CLYBL: variants seen among roughly 807,000 people sequenced by gnomAD.
CLYBL encodes citramalyl-CoA lyase.
A neutral mutation model predicts 38.9 loss-of-function variants in CLYBL; 31 were observed. The observed-to-expected ratio is 0.80, with a 90% confidence interval of 0.60 to 1.08. The LOEUF (loss-of-function observed/expected upper bound fraction) is 1.08, where lower values mean the gene tolerates loss of function less well. Ranked by LOEUF, CLYBL falls within the 50% of genes least tolerant of loss-of-function variation. The pLI is 0.00. For synonymous variants in CLYBL, 171 were observed against 158.6 expected, an observed-to-expected ratio of 1.08 and a Z score of -0.59; for missense variants, 434 against 411.6, an observed-to-expected ratio of 1.05 and a Z score of -0.47.
intron 7 of CLYBL, among the ~76,000 whole-genome samples, chr13:99,876,729 C>T (rs2139280129): frequency 6.6e-6 from 1 of 152,206 alleles, no homozygotes; most frequent in South Asian, 2.1e-4. Context: ...GGAGAGAGGG[C>T]TGCGAGCAGA....
At chr13:99,893,343 T>G (rs1346234854), downstream of CLYBL, 1 of 152,364 alleles carries the variant, frequency 6.6e-6, no homozygotes, top group Admixed American at 6.5e-5. Context: ...TGGAGTCAGG[T>G]GCACACCAGG....
intron 1 of CLYBL, among the ~76,000 whole-genome samples, chr13:99,767,351 G>A (rs992663435): frequency 1.5e-4 from 23 of 152,160 alleles, no homozygotes; most frequent in Admixed American, 3.9e-4. Context: ...ACTAAAGCCA[G>A]CTTACTTCTA....
At chr13:99,828,364 T>C (rs1426203715) in intron 2 of CLYBL, among the ~76,000 whole-genome samples, 2 of 152,326 alleles carry the variant, frequency 1.3e-5, no homozygotes, top group Middle Eastern at 3.4e-3. Flanking sequence ...AATTTTCCCA[T>C]GGTAGCGACA....
At chr13:99,862,340 A>G (rs918281388) in intron 3 of CLYBL, among the ~76,000 whole-genome samples, 2 of 152,110 alleles carry the variant, frequency 1.3e-5, no homozygotes, top group Non-Finnish European at 2.9e-5. Flanking sequence ...GAGCTTTTGT[A>G]TGTTTCCAGA....
At chr13:99,879,764 A>T (rs2139293476) in intron 7 of CLYBL, among the ~76,000 whole-genome samples, 1 of 152,264 alleles carries the variant, frequency 6.6e-6, no homozygotes, top group Non-Finnish European at 1.5e-5. Context: ...CATAAAACCC[A>T]CTTAGAATTC....
chr13:99,807,193 CAGAT>C (rs2138968562), intron 2 of CLYBL, among the ~76,000 whole-genome samples: 1 of 152,310 alleles, frequency 6.6e-6, no homozygotes, highest in African/African-American at 2.4e-5. Context: ...GATTTCTCCT[CAGAT>C]AGAGCAAGAA....
intron 1 of CLYBL, among the ~76,000 whole-genome samples, chr13:99,720,805 G>A (rs1327378119): frequency 1.3e-5 from 2 of 152,092 alleles, no homozygotes; most frequent in East Asian, 3.8e-4. Flanking sequence ...TTATGTGTTA[G>A]GTGTTGATTT....
At chr13:99,670,354 C>T (rs533405197) in intron 1 of CLYBL, among the ~76,000 whole-genome samples, 30 of 152,134 alleles carry the variant, frequency 2.0e-4, no homozygotes, top group African/African-American at 7.0e-4. Context: ...AGCAAAGTAG[C>T]GAGACCCTGT....
intron 1 of CLYBL, among the ~76,000 whole-genome samples, chr13:99,619,515 A>T (rs2139197814): frequency 6.6e-6 from 1 of 152,372 alleles, no homozygotes; most frequent in South Asian, 2.1e-4. Flanking sequence ...TCATATTAAG[A>T]TAGAAACTTA....
At chr13:99,888,363 T>C (rs1241325783) in intron 7 of CLYBL, among the ~76,000 whole-genome samples, 1 of 152,172 alleles carries the variant, frequency 6.6e-6, no homozygotes. Flanking sequence ...TTACATGAAA[T>C]AATGTATGTA....
Position 99,891,438 on chromosome 13 carries a change from G to T in CLYBL, c.*24+1G>T, listed in dbSNP as rs1036356004. 1.9e-6 allele frequency: 3 copies of T among 1,553,814 alleles called. No individual in the cohort carries two copies. The highest frequency in any genetic ancestry group is 2.7e-6 in the Non-Finnish European group (3 of 1,125,188). On this transcript the variant is annotated splice_donor_variant, in intron 8 of 8. Transcript: ENST00000339105. LOFTEE classifies it low-confidence loss of function (3UTR_SPLICE). ...ATCTGTTAAATGAAGCTGTCATCAGGTGGGCTGAACATATACAGTGGGGTT... is the reference window on the plus strand; with the variant it reads ...ATCTGTTAAATGAAGCTGTCATCAGTTGGGCTGAACATATACAGTGGGGTT...
chr13:99,736,404 G>GT (rs1323720973), intron 1 of CLYBL, among the ~76,000 whole-genome samples: 352 of 147,438 alleles, frequency 2.4e-3, no homozygotes, highest in Middle Eastern at 0.014. Flanking sequence ...AAAAGATGAG[G>GT]TTTTTTTTTT....
chr13:99,799,956 C>T (rs1354349799), intron 2 of CLYBL, among the ~76,000 whole-genome samples: 1 of 152,236 alleles, frequency 6.6e-6, no homozygotes, highest in Non-Finnish European at 1.5e-5. Flanking sequence ...AGAGCGTGGC[C>T]TTCCTCCACA....
intron 1 of CLYBL, among the ~76,000 whole-genome samples, chr13:99,661,567 T>TTAAA (rs1222127153): frequency 6.6e-6 from 1 of 152,234 alleles, no homozygotes; most frequent in Admixed American, 6.5e-5. Context: ...ATAACTTTTT[T>TTAAA]ATTTTGAAAA....
At chr13:99,744,685 G>A (rs550297372) in intron 1 of CLYBL, among the ~76,000 whole-genome samples, 1 of 152,322 alleles carries the variant, frequency 6.6e-6, no homozygotes, top group East Asian at 1.9e-4. Flanking sequence ...ATGCATTTAG[G>A]AGCTGGGACC....
chr13:99,758,651 G>A (rs1473624799), intron 1 of CLYBL, among the ~76,000 whole-genome samples: 2 of 152,160 alleles, frequency 1.3e-5, no homozygotes, highest in Non-Finnish European at 2.9e-5. Context: ...TCTCCGGAAC[G>A]GTGACTGCCG....
At chr13:99,822,533 C>T (rs909556255) in intron 2 of CLYBL, among the ~76,000 whole-genome samples, 1 of 152,206 alleles carries the variant, frequency 6.6e-6, no homozygotes, top group Non-Finnish European at 1.5e-5. Context: ...AACACAATCA[C>T]GGGTCACCCC....
intron 1 of CLYBL, among the ~76,000 whole-genome samples, chr13:99,650,731 T>C (rs563449703): frequency 6.6e-6 from 1 of 152,264 alleles, no homozygotes; most frequent in South Asian, 2.1e-4. Flanking sequence ...TCCACATGGC[T>C]CCCAGCCATT....
chr13:99,618,948 C>T (rs1004110806), intron 1 of CLYBL, among the ~76,000 whole-genome samples: 26 of 152,250 alleles, frequency 1.7e-4, no homozygotes, highest in African/African-American at 6.3e-4. Context: ...TTTATCCATC[C>T]ATCTGTTGAT....
Sources: allele counts gnomAD v4.1 joint callset (sites outside exome capture counted in the v4.1 genomes callset), GRCh38; gene constraint gnomAD v4.1.1; transcripts MANE v1.5; gene names NCBI Gene and HGNC (gene_info 2026-07-23, HGNC 2026-07-21).